The following SPATA31F1 variants were observed in gnomAD, a reference collection of about 807,000 sequenced individuals.
The protein encoded by SPATA31F1 is SPATA31 subfamily F member 1.
the SPATA31F1 span, chr9:34,729,286 G>C: frequency 6.4e-7 from 1 of 1,551,792 alleles, no homozygotes; most frequent in Non-Finnish European, 8.7e-7. Context: ...AGCCCTACCC[G>C]GCAGCAGCTC....
chr9:34,726,303 G>T, the SPATA31F1 span: 2 of 1,527,322 alleles, frequency 1.3e-6, no homozygotes, highest in South Asian at 2.4e-5. Context: ...TCCTCCACAC[G>T]TCTTGGGAGC....
the SPATA31F1 span, chr9:34,729,274 A>G: frequency 6.4e-7 from 1 of 1,551,372 alleles, no homozygotes; most frequent in Non-Finnish European, 8.7e-7. Context: ...AGTTGGGATC[A>G]CAGCCCTACC....
the SPATA31F1 span, chr9:34,723,231 G>A: frequency 7.1e-6 from 11 of 1,551,038 alleles, no homozygotes; most frequent in Middle Eastern, 1.7e-4. Flanking sequence ...AGGGTCAGGA[G>A]CTAGGTTGGG....
At chr9:34,726,596 C>T in the SPATA31F1 span, 8 of 1,551,602 alleles carry the variant, frequency 5.2e-6, no homozygotes, top group South Asian at 4.8e-5. Context: ...GTTTGGGCCC[C>T]GGAGCACATC....
the SPATA31F1 span, chr9:34,723,615 A>T: frequency 1.9e-6 from 3 of 1,551,650 alleles, no homozygotes; most frequent in Non-Finnish European, 1.7e-6. Flanking sequence ...CTGAAGCTAG[A>T]CTCTGTAAGG....
chr9:34,728,746 C>T, the SPATA31F1 span: 12 of 1,172,596 alleles, frequency 1.0e-5, no homozygotes, highest in South Asian at 4.0e-5. Context: ...ATTTTTCACT[C>T]GCTTTGTATA....
At chr9:34,725,711 T>C in the SPATA31F1 span, 8 of 1,544,292 alleles carry the variant, frequency 5.2e-6, no homozygotes, top group Middle Eastern at 3.3e-4. Flanking sequence ...AAATGGGACA[T>C]TGATCTGAGC....
chr9:34,723,536 A>G, the SPATA31F1 span: 47 of 1,551,768 alleles, frequency 3.0e-5, no homozygotes, highest in Non-Finnish European at 4.1e-5. Flanking sequence ...GGCTGAGAAC[A>G]TGGAGTCCTC....
the SPATA31F1 span, chr9:34,727,924 C>T: frequency 1.8e-6 from 2 of 1,141,482 alleles, no homozygotes; most frequent in Non-Finnish European, 2.5e-6. Context: ...GTCTCCCTCC[C>T]AGCCATTATC....
At chr9:34,723,642 C>T in the SPATA31F1 span, 14 of 1,551,688 alleles carry the variant, frequency 9.0e-6, no homozygotes, top group South Asian at 4.8e-5. Context: ...TTCTTTTGAG[C>T]ATGGACTGGC....
chr9:34,724,218 G>A, the SPATA31F1 span: 3 of 1,551,506 alleles, frequency 1.9e-6, no homozygotes, highest in East Asian at 2.4e-5. Context: ...TGAACACAAG[G>A]CATGTGGGCC....
At chr9:34,727,064 A>G in the SPATA31F1 span, 1 of 1,487,700 alleles carries the variant, frequency 6.7e-7, no homozygotes, top group Non-Finnish European at 8.9e-7. Context: ...TGGAGTGGGC[A>G]CTCTCCTTTC....
chr9:34,726,682 G>A, the SPATA31F1 span: 1 of 1,551,564 alleles, frequency 6.4e-7, no homozygotes. Flanking sequence ...ACGTTGACTG[G>A]GCAGCTGACT....
At chr9:34,723,166 T>C in the SPATA31F1 span, 3 of 1,485,852 alleles carry the variant, frequency 2.0e-6, no homozygotes, top group Admixed American at 4.9e-5. Flanking sequence ...CTATAAACTC[T>C]TTTTCATGGC....
At chr9:34,725,118 G>C in the SPATA31F1 span, 3 of 1,550,662 alleles carry the variant, frequency 1.9e-6, no homozygotes, top group Non-Finnish European at 2.6e-6. Flanking sequence ...GCCACTGCCA[G>C]GACCCCAGAA....
the SPATA31F1 span, among the ~76,000 whole-genome samples, chr9:34,728,331 TGA>T: frequency 6.6e-6 from 1 of 152,238 alleles, no homozygotes; most frequent in Admixed American, 6.5e-5. Context: ...TGGATAAGAA[TGA>T]GAGATGAAAT....
the SPATA31F1 span, chr9:34,726,881 C>A: frequency 1.3e-6 from 2 of 1,551,806 alleles, no homozygotes; most frequent in South Asian, 2.4e-5. Context: ...GTTGTTCTCA[C>A]CCACCAGCAA....
chr9:34,723,893 T>C, the SPATA31F1 span: 1 of 1,551,552 alleles, frequency 6.4e-7, no homozygotes, highest in Non-Finnish European at 8.7e-7. Context: ...AAGCTGAGGG[T>C]GATGCTGGGG....
At chr9:34,726,210 T>G in the SPATA31F1 span, 1 of 1,342,174 alleles carries the variant, frequency 7.5e-7, no homozygotes, top group Non-Finnish European at 1.0e-6. Flanking sequence ...ACCTGAGGAG[T>G]ATTCTTCAGG....
Sources: allele counts gnomAD v4.1 joint callset (sites outside exome capture counted in the v4.1 genomes callset), GRCh38; gene constraint gnomAD v4.1.1; transcripts MANE v1.5; gene names NCBI Gene and HGNC (gene_info 2026-07-23, HGNC 2026-07-21).